Variants in PDE8A observed in about 807,000 individuals in gnomAD.
PDE8A encodes high affinity cAMP-specific and IBMX-insensitive 3',5'-cyclic phosphodiesterase 8A.
PDE8A carries 59 observed loss-of-function variants against 105.0 expected under a neutral mutation model. The observed-to-expected ratio is 0.56, with a 90% CI of 0.46 to 0.70. The LOEUF (loss-of-function observed/expected upper bound fraction) is 0.70, where lower values mean the gene tolerates loss of function less well. Among genes scored for constraint, PDE8A ranks in the 30% least tolerant of loss-of-function variants. The probability of loss-of-function intolerance (pLI) is 0.00; values close to 1 mark genes in which losing one functional copy is unlikely to be tolerated. For synonymous variants in PDE8A, 355 were observed against 371.9 expected, an observed-to-expected ratio of 0.95 and a Z score of 0.52; for missense variants, 1,014 against 1,045.9, an observed-to-expected ratio of 0.97 and a Z score of 0.42.
At chr15:85,122,344 G>C (rs2082195349) in intron 18 of PDE8A, among the ~76,000 whole-genome samples, 1 of 152,172 alleles carries the variant, frequency 6.6e-6, no homozygotes, top group Non-Finnish European at 1.5e-5. Flanking sequence ...AAAAAACATT[G>C]TGTCATGAAG....
intron 20 of PDE8A, among the ~76,000 whole-genome samples, chr15:85,131,010 A>G (rs1393276974): frequency 1.3e-5 from 2 of 151,916 alleles, no homozygotes; most frequent in East Asian, 1.9e-4. Flanking sequence ...GCTCACCTCA[A>G]CCTCCCAAAG....
At chr15:85,137,646 T>A (rs1205743113) in intron 21 of PDE8A, 151 bp from the exon 22 acceptor site, 1 of 592,044 alleles carries the variant, frequency 1.7e-6, no homozygotes, top group Non-Finnish European at 3.1e-6. Flanking sequence ...CAGCCACGGC[T>A]CGTTGAAGCT....
chr15:85,037,127 G>A (rs1439168453), intron 1 of PDE8A, among the ~76,000 whole-genome samples: 25 of 150,942 alleles, frequency 1.7e-4, no homozygotes, highest in Non-Finnish European at 3.7e-4. Context: ...GTGCAATGGC[G>A]CAATCTTGGC....
At chr15:84,997,470 A>G (rs2079998229) in intron 1 of PDE8A, among the ~76,000 whole-genome samples, 1 of 151,858 alleles carries the variant, frequency 6.6e-6, no homozygotes, top group African/African-American at 2.4e-5. Flanking sequence ...TGCTGGGATT[A>G]CAGATATGAG....
At chr15:84,991,390 A>T (rs1452069770) in intron 1 of PDE8A, among the ~76,000 whole-genome samples, 1 of 152,258 alleles carries the variant, frequency 6.6e-6, no homozygotes, top group Non-Finnish European at 1.5e-5. Context: ...AAGGTTTTCA[A>T]CCTCATTGGG....
chr15:84,983,741 C>T (rs1482289811), intron 1 of PDE8A, among the ~76,000 whole-genome samples: 1 of 152,218 alleles, frequency 6.6e-6, no homozygotes, highest in South Asian at 2.1e-4. Flanking sequence ...GTTTTCAGTC[C>T]AAATCTAACA....
chr15:85,010,617 G>A (rs1034810653), intron 1 of PDE8A, among the ~76,000 whole-genome samples: 4 of 152,152 alleles, frequency 2.6e-5, no homozygotes, highest in Admixed American at 2.0e-4. Context: ...CAGTCATTAT[G>A]TCTCTAGGGA....
intron 7 of PDE8A, among the ~76,000 whole-genome samples, chr15:85,090,158 C>T (rs1029963726): frequency 1.3e-5 from 2 of 152,156 alleles, no homozygotes; most frequent in African/African-American, 4.8e-5. Context: ...TTTGAGGGCA[C>T]AGGCTTTGGT....
At chr15:85,044,741 C>CT (rs764110485) in intron 1 of PDE8A, among the ~76,000 whole-genome samples, 5 of 152,228 alleles carry the variant, frequency 3.3e-5, no homozygotes, top group African/African-American at 7.2e-5. Context: ...CAGAAGCTTC[C>CT]TTATTGGCCT....
intron 1 of PDE8A, among the ~76,000 whole-genome samples, chr15:84,988,568 G>A (rs2079839267): frequency 6.6e-6 from 1 of 152,112 alleles, no homozygotes; most frequent in South Asian, 2.1e-4. Flanking sequence ...CCTTTCTCCT[G>A]CTCAGGTTTC....
At position 85,091,244 on chromosome 15, in the gene PDE8A, T is replaced by C. The variant is rs1596508677; in HGVS notation, c.852+63T>C. On this transcript the variant is annotated intron_variant, in intron 8 of 21. Coordinates refer to ENST00000394553, the MANE Select transcript of PDE8A (RefSeq NM_002605.3). The stretch of plus-strand genomic sequence containing the variant: ...CACAGAGAGAAGGAAGACTTAGTGT[T>C]CATTGAGTACTACCAGGTAATCTTA... 40 of 1,406,804 alleles carry C rather than the reference T, an allele frequency of 2.8e-5. No individual in the cohort carries two copies. The South Asian group carries it at 4.0e-4, about 14-fold the overall frequency. 87.1% of individuals were successfully genotyped at this position (1,406,804 alleles called of 1,614,324 possible). A position where few individuals can be genotyped will look rare whatever the true frequency, so the allele number is the denominator to read the frequency against.
At chr15:85,055,802 A>G (rs2081050346) in intron 1 of PDE8A, among the ~76,000 whole-genome samples, 1 of 152,116 alleles carries the variant, frequency 6.6e-6, no homozygotes, top group Admixed American at 6.6e-5. Flanking sequence ...CATTTAGCCC[A>G]TTTACATTTA....
At chr15:84,996,404 T>A (rs903785480) in intron 1 of PDE8A, among the ~76,000 whole-genome samples, 1 of 152,158 alleles carries the variant, frequency 6.6e-6, no homozygotes, top group Non-Finnish European at 1.5e-5. Context: ...GGTCTTGAAC[T>A]CCTGGGCTCA....
At chr15:85,126,422 C>T in intron 20 of PDE8A, 48 bp downstream of exon 20, 1 of 1,292,208 alleles carries the variant, frequency 7.7e-7, no homozygotes, top group Non-Finnish European at 1.0e-6. Flanking sequence ...AGAGTTAAAA[C>T]CCATAAAATC....
intron 5 of PDE8A, among the ~76,000 whole-genome samples, chr15:85,080,066 G>A (rs1447063115): frequency 6.6e-6 from 1 of 152,172 alleles, no homozygotes; most frequent in Non-Finnish European, 1.5e-5. Context: ...AAAGAACATA[G>A]AGGTAGCAAG....
chr15:85,081,540 G>A (rs937828480), intron 5 of PDE8A, among the ~76,000 whole-genome samples: 4 of 152,166 alleles, frequency 2.6e-5, no homozygotes, highest in Non-Finnish European at 4.4e-5. Flanking sequence ...TCTAGGATTT[G>A]TAGTCCCAGC....
At chr15:85,136,911 T>C (rs114632964) in intron 21 of PDE8A, among the ~76,000 whole-genome samples, 65 of 152,214 alleles carry the variant, frequency 4.3e-4, no homozygotes, top group African/African-American at 1.5e-3. Flanking sequence ...CAGCTTGTAG[T>C]AGAGCAGCTA....
intron 1 of PDE8A, among the ~76,000 whole-genome samples, chr15:85,025,684 G>A (rs779597941): frequency 8.5e-5 from 13 of 152,154 alleles, no homozygotes; most frequent in Non-Finnish European, 1.8e-4. Flanking sequence ...CTGTAGTGAG[G>A]GCTGACAGTG....
chr15:85,016,386 C>CT (rs71138360), intron 1 of PDE8A, among the ~76,000 whole-genome samples: 2 of 151,640 alleles, frequency 1.3e-5, no homozygotes, highest in South Asian at 2.1e-4. Flanking sequence ...TCAGTTTAAT[C>CT]TTTTTTTCCA....
Sources: allele counts gnomAD v4.1 joint callset (sites outside exome capture counted in the v4.1 genomes callset), GRCh38; gene constraint gnomAD v4.1.1; transcripts MANE v1.5; gene names NCBI Gene and HGNC (gene_info 2026-07-23, HGNC 2026-07-21).